The following SENP7 variants were observed in gnomAD, a reference collection of about 807,000 sequenced individuals.
SENP7 encodes sentrin-specific protease 7.
Under a neutral mutation model 141.2 loss-of-function variants are expected in SENP7, and 64 were observed. The ratio of observed to expected loss-of-function variants is 0.45; its 90% CI spans 0.37 to 0.56. The LOEUF is 0.56. SENP7 is among the 20% of genes least tolerant of loss of function. The pLI, the probability that SENP7 is intolerant of heterozygous loss-of-function variation, is 0.00. For missense variants in SENP7, 1,025 were observed against 1,212.2 expected (o/e 0.85, Z 2.29); for synonymous variants, 382 against 426.4 (o/e 0.90, Z 1.28).
intron 3 of SENP7, among the ~76,000 whole-genome samples, chr3:101,480,587 G>A (rs1435968672): frequency 6.6e-6 from 1 of 152,098 alleles, no homozygotes; most frequent in Non-Finnish European, 1.5e-5. Flanking sequence ...AACACCTCAG[G>A]ACATCGGTCT....
At chr3:101,507,462 C>G (rs2065668264) in intron 1 of SENP7, among the ~76,000 whole-genome samples, 1 of 152,230 alleles carries the variant, frequency 6.6e-6, no homozygotes, top group South Asian at 2.1e-4. Flanking sequence ...TCTACATCTT[C>G]TTCATCTCTT....
At chr3:101,361,603 T>C (rs1324602318) in intron 11 of SENP7, 112 bp downstream of exon 11, 6 of 1,152,262 alleles carry the variant, frequency 5.2e-6, no homozygotes, top group Non-Finnish European at 6.9e-6. Flanking sequence ...AAGTGTCCCA[T>C]ATAAAATAAA....
intron 2 of SENP7, among the ~76,000 whole-genome samples, chr3:101,495,176 A>C (rs2065115748): frequency 6.6e-6 from 1 of 152,222 alleles, no homozygotes; most frequent in African/African-American, 2.4e-5. Context: ...TCATTAGAGA[A>C]ATGCAAATCA....
chr3:101,343,732 G>A lies in SENP7; in HGVS notation c.2060C>T (p.Ala687Val). 1.2e-6 allele frequency: 2 copies of A among 1,613,416 alleles called. No homozygotes were observed. The highest frequency in any genetic ancestry group is 2.2e-5 in the South Asian group (2 of 90,956). The stretch of plus-strand genomic sequence containing the variant: ...CATTTCTTCAGCAACAGCAACACCA[G>A]CAGGGAAAGAACAAGTTGAAACACA... ...YYCVSTCSFPAGVAVAEEMKL... is the reference protein window; with the variant it reads ...YYCVSTCSFPVGVAVAEEMKL... Residue 687 changes from alanine to valine, a missense_variant, in exon 14 of 24, where the codon GCT becomes GTT. Coordinates refer to ENST00000394095, the MANE Select transcript of SENP7 (RefSeq NM_020654.5).
At chr3:101,397,765 T>C (rs1398338560) in intron 6 of SENP7, among the ~76,000 whole-genome samples, 3 of 152,100 alleles carry the variant, frequency 2.0e-5, no homozygotes, top group Non-Finnish European at 4.4e-5. Context: ...TTTGGATAGT[T>C]TGGGGGGAAA....
chr3:101,347,958 C>T lies in SENP7; in HGVS notation c.1751G>A (p.Ser584Asn). 1 of 1,609,816 alleles carries T rather than the reference C, an allele frequency of 6.2e-7. No homozygotes were observed. The highest frequency in any genetic ancestry group is 2.2e-5 in the East Asian group (1 of 44,646). The change falls in exon 13 of 24, where the codon AGT becomes AAT. Residue 584 changes from serine (S) to asparagine (N), a missense_variant. Physicochemically the swap from Ser to Asn is conservative, Grantham distance 46 (BLOSUM62 1). Around this residue, in one of 4 missense-constraint regions of SENP7, gnomAD observed 228 missense variants for 228.5 expected, o/e 1.00. Coordinates refer to ENST00000394095, the MANE Select transcript of SENP7 (RefSeq NM_020654.5). The part of the protein sequence containing the change: ...KSKDDNHSKR[S>N]HAILFFWVSS... Reference sequence around the variant, plus strand: ...GACCCAGAAGAAAAGAATAGCATGACTCCTTTTACTGTGATTATCATCCTT... The same window carrying T: ...GACCCAGAAGAAAAGAATAGCATGATTCCTTTTACTGTGATTATCATCCTT...
At chr3:101,399,094 T>C (rs1188795635) in intron 5 of SENP7, 39 bp from the exon 6 acceptor site, 13 of 1,295,062 alleles carry the variant, frequency 1.0e-5, no homozygotes, top group South Asian at 4.1e-5. Flanking sequence ...TGTACTGAAG[T>C]TTTCAGTTAA....
rs2059966341 is a variant in SENP7 at position 101,363,930 on chromosome 3, A to G, written c.1476+904T>C. Among the ~76,000 whole-genome samples, 5 of 152,232 alleles carry G rather than the reference A, an allele frequency of 3.3e-5. No individual in the cohort carries two copies. In the South Asian group the frequency reaches 1.0e-3, roughly 31 times the overall value. On this transcript the variant is annotated intron_variant, in intron 10 of 23. Transcript: ENST00000394095. ...TAATCACAGACTAATAATAAGAAAG[A>G]GTACCAGCTGGGAGCGGTAGCTCAT...
chr3:101,507,665 AC>A (rs1350401364), intron 1 of SENP7, among the ~76,000 whole-genome samples: 3 of 113,406 alleles, frequency 2.6e-5, no homozygotes, highest in Admixed American at 1.1e-4. Flanking sequence ...TGGGGGGAAG[AC>A]AAAAAAAAAA....
intron 6 of SENP7, among the ~76,000 whole-genome samples, chr3:101,390,315 C>T (rs1244543038): frequency 2.7e-5 from 4 of 146,490 alleles, no homozygotes; most frequent in Non-Finnish European, 5.9e-5. Flanking sequence ...TCCCTACTCA[C>T]GTCACCAATA....
chr3:101,457,590 G>A (rs1576413912), intron 4 of SENP7: 1 of 1,586,270 alleles, frequency 6.3e-7, no homozygotes, highest in Non-Finnish European at 8.6e-7. Flanking sequence ...CTTCTTTAAG[G>A]AGAACTGAAG....
At chr3:101,365,798 T>C (rs923417257) in intron 9 of SENP7, among the ~76,000 whole-genome samples, 7 of 152,188 alleles carry the variant, frequency 4.6e-5, no homozygotes, top group African/African-American at 1.7e-4. Flanking sequence ...AGCGCAATTA[T>C]TCAGCAGTTA....
chr3:101,452,403 C>T (rs1178285110), intron 4 of SENP7, among the ~76,000 whole-genome samples: 4 of 152,206 alleles, frequency 2.6e-5, no homozygotes, highest in Non-Finnish European at 5.9e-5. Flanking sequence ...GCCCACATTG[C>T]CAAGACAATC....
chr3:101,330,159 G>T (rs2059011013), intron 20 of SENP7, among the ~76,000 whole-genome samples, 175 bp downstream of exon 20: 1 of 152,010 alleles, frequency 6.6e-6, no homozygotes, highest in African/African-American at 2.4e-5. Flanking sequence ...ACAGATATAA[G>T]AATAATAACT....
At chr3:101,330,686 T>C (rs1264236229) in intron 19 of SENP7, among the ~76,000 whole-genome samples, 2 of 152,224 alleles carry the variant, frequency 1.3e-5, no homozygotes, top group African/African-American at 4.8e-5. Flanking sequence ...TCAAAATGTC[T>C]GCTATTTAAT....
At chr3:101,334,151 A>T (rs1368629134) in intron 17 of SENP7, among the ~76,000 whole-genome samples, 1 of 152,174 alleles carries the variant, frequency 6.6e-6, no homozygotes, top group Admixed American at 6.5e-5. Flanking sequence ...CAGGCCACAG[A>T]CTGGTACCAG....
intron 2 of SENP7, among the ~76,000 whole-genome samples, chr3:101,495,155 G>A (rs1248057125): frequency 4.0e-5 from 6 of 151,608 alleles, no homozygotes; most frequent in African/African-American, 9.7e-5. Context: ...ACATGTGGCC[G>A]ACATCACTGA....
intron 6 of SENP7, among the ~76,000 whole-genome samples, chr3:101,390,079 G>T (rs1194446573): frequency 1.3e-5 from 2 of 151,900 alleles, no homozygotes; most frequent in Non-Finnish European, 2.9e-5. Flanking sequence ...AATTAGCCAG[G>T]CATGGTGGTG....
chr3:101,425,301 A>G lies in SENP7; in HGVS notation c.285-7511T>C, dbSNP rs545028906. Among the ~76,000 whole-genome samples, 19 of 152,262 alleles carry G rather than the reference A, an allele frequency of 1.2e-4. No individual in the cohort carries two copies. The South Asian group carries it at 3.7e-3, about 30-fold the overall frequency. On this transcript the variant is annotated intron_variant, in intron 4 of 23. Transcript: ENST00000394095. ...AGTCCAGGAGCACCTCAGCCCCCCA[A>G]CACAGTGGATTCCTAACCTTGAGGT...
Sources: gnomAD v4.1 joint callset for allele counts (sites outside exome capture counted in the v4.1 genomes callset) on GRCh38, gnomAD v4.1.1 for gene constraint, gnomAD v4.1.1 regional missense constraint, MANE v1.5 for transcripts, NCBI Gene and HGNC (gene_info 2026-07-23, HGNC 2026-07-21) for gene names.